ZNF148: variants seen among roughly 807,000 people sequenced by gnomAD.
ZNF148 encodes the protein Beta-Enolase Repressor Factor-1.
ZNF148 carries 7 observed loss-of-function variants against 67.7 expected under a neutral mutation model. The ratio of observed to expected loss-of-function variants is 0.10; its 90% CI spans 0.06 to 0.19. The LOEUF (loss-of-function observed/expected upper bound fraction) is 0.19. ZNF148 is among the 10% of genes least tolerant of loss of function. ZNF148 has a pLI of 1.00. For missense variants in ZNF148, 583 were observed against 947.1 expected, an observed-to-expected ratio of 0.62 and a Z score of 5.05; for synonymous variants, 333 against 330.7, an observed-to-expected ratio of 1.01 and a Z score of -0.08.
At chr3:125,268,526 T>G (rs1937591819) in intron 7 of ZNF148, among the ~76,000 whole-genome samples, 1 of 152,134 alleles carries the variant, frequency 6.6e-6, no homozygotes, top group Non-Finnish European at 1.5e-5. Context: ...GAAAGTGGAC[T>G]TCTACCTATC....
At chr3:125,254,441 G>GTACTA (rs2107555150) in intron 7 of ZNF148, among the ~76,000 whole-genome samples, 1 of 152,212 alleles carries the variant, frequency 6.6e-6, no homozygotes, top group East Asian at 1.9e-4. Context: ...AGATACTTTG[G>GTACTA]TCTCTTGTAC....
chr3:125,369,305 G>A (rs1193121510), intron 1 of ZNF148, among the ~76,000 whole-genome samples: 37 of 31,402 alleles, frequency 1.2e-3, no homozygotes, highest in African/African-American at 2.2e-3. Context: ...AGCCTAGAAA[G>A]AACATTCTAG....
chr3:125,361,298 C>T (rs1168957940), intron 1 of ZNF148, among the ~76,000 whole-genome samples: 6 of 152,094 alleles, frequency 3.9e-5, no homozygotes, highest in Non-Finnish European at 8.8e-5. Flanking sequence ...ACTAAAAAAT[C>T]GCTTGGGAGT....
intron 7 of ZNF148, among the ~76,000 whole-genome samples, chr3:125,265,416 C>T (rs1937512918): frequency 6.6e-6 from 1 of 152,360 alleles, no homozygotes; most frequent in South Asian, 2.1e-4. Flanking sequence ...CTGCATAAGC[C>T]AAACTCCCTT....
At chr3:125,253,787 T>C (rs1936953154) in intron 7 of ZNF148, among the ~76,000 whole-genome samples, 1 of 152,186 alleles carries the variant, frequency 6.6e-6, no homozygotes, top group African/African-American at 2.4e-5. Context: ...TGATAAATTA[T>C]ATTTAAATAC....
chr3:125,282,320 C>A (rs1215419895), intron 5 of ZNF148, among the ~76,000 whole-genome samples: 1 of 152,136 alleles, frequency 6.6e-6, no homozygotes, highest in Non-Finnish European at 1.5e-5. Flanking sequence ...AGCAGTCTTA[C>A]CTGCAACTGG....
Position 125,233,596 on chromosome 3 carries a change from T to C in ZNF148, c.1130A>G (p.His377Arg). 2 of 1,613,996 alleles carry C rather than the reference T, an allele frequency of 1.2e-6. No homozygotes were observed. Among genetic ancestry groups the C allele is most frequent in the Admixed American group, 1.7e-5 (1 of 59,948 alleles). ...EMPHSSVGGS[H>R]LEDASGEIHP... is the part of the protein sequence containing the mutation. Reference sequence around the variant, plus strand: ...TATTTCTCCTGACGCATCTTCTAAATGCGAGCCCCCAACTGACGAATGTGG... The same window carrying C: ...TATTTCTCCTGACGCATCTTCTAAACGCGAGCCCCCAACTGACGAATGTGG... Residue 377 changes from histidine to arginine, a missense_variant, in exon 9 of 9, where the codon CAT becomes CGT. Physicochemically the swap from His to Arg is conservative, Grantham distance 29. Coordinates refer to ENST00000360647, the MANE Select transcript of ZNF148 (RefSeq NM_021964.3). The surrounding 1 kb of genome is among the most constrained non-coding windows in gnomAD (Gnocchi z 5.1).
chr3:125,311,031 C>A, intron 4 of ZNF148: 1 of 205,046 alleles, frequency 4.9e-6, no homozygotes, highest in Non-Finnish European at 1.1e-5. Context: ...GCTATGACCT[C>A]AACGGTGCCT....
intron 1 of ZNF148, among the ~76,000 whole-genome samples, chr3:125,356,505 T>A (rs529175487): frequency 6.6e-6 from 1 of 152,336 alleles, no homozygotes; most frequent in South Asian, 2.1e-4. Flanking sequence ...TTTTTAGATT[T>A]ATTAAATCTA....
At chr3:125,304,490 G>A (rs1169102395) in intron 4 of ZNF148, among the ~76,000 whole-genome samples, 2 of 152,128 alleles carry the variant, frequency 1.3e-5, no homozygotes, top group Non-Finnish European at 2.9e-5. Flanking sequence ...ACGCAGGGCA[G>A]GGGTAGCAAG....
intron 5 of ZNF148, among the ~76,000 whole-genome samples, chr3:125,287,252 T>A (rs1306960053): frequency 6.6e-6 from 1 of 151,802 alleles, no homozygotes. Flanking sequence ...AAAATAAGAG[T>A]TAACTATAAA....
intron 1 of ZNF148, among the ~76,000 whole-genome samples, chr3:125,365,111 T>A (rs1942661991): frequency 6.6e-6 from 1 of 152,366 alleles, no homozygotes; most frequent in Non-Finnish European, 1.5e-5. Context: ...TGGATGTGTA[T>A]GTTTTGTCCC....
chr3:125,254,683 T>C (rs201385053), intron 7 of ZNF148, among the ~76,000 whole-genome samples: 2 of 152,056 alleles, frequency 1.3e-5, no homozygotes, highest in East Asian at 3.9e-4. Context: ...TTTGTGGTTG[T>C]TTCATACACT....
At chr3:125,259,575 A>G (rs565453574) in intron 7 of ZNF148, among the ~76,000 whole-genome samples, 1 of 152,356 alleles carries the variant, frequency 6.6e-6, no homozygotes, top group African/African-American at 2.4e-5. Flanking sequence ...CATGTAAAAC[A>G]TGTAAAAGTT....
Position 125,279,235 on chromosome 3 carries a change from T to C in ZNF148, c.472A>G (p.Asn158Asp). ...QRSPAKILTINEDGSLGLKTP... is the reference protein window; with the variant it reads ...QRSPAKILTIDEDGSLGLKTP... The stretch of plus-strand genomic sequence containing the variant: ...TTCAAACCAAGTGATCCATCCTCAT[T>C]TATTGTAAGGATCTAGTTCAAAAAA... The change falls in exon 6 of 9, where the codon AAT becomes GAT. Residue 158 changes from asparagine to aspartate, a missense_variant. Around this residue, in one of 5 missense-constraint regions of ZNF148, gnomAD observed 150 missense variants for 202.5 expected, o/e 0.74. Transcript: ENST00000360647. 1.3e-6 allele frequency: 2 copies of C among 1,573,600 alleles called. No individual in the cohort carries two copies. The highest frequency in any genetic ancestry group is 1.7e-6 in the Non-Finnish European group (2 of 1,162,456).
intron 1 of ZNF148, among the ~76,000 whole-genome samples, chr3:125,361,285 A>T (rs1335403441): frequency 2.6e-5 from 4 of 152,066 alleles, no homozygotes; most frequent in Non-Finnish European, 5.9e-5. Flanking sequence ...CTGTTATCCT[A>T]TCACTAAAAA....
Position 125,313,321 on chromosome 3 carries a change from G to A in ZNF148, c.320C>T (p.Ala107Val), listed in dbSNP as rs764874730. The change falls in exon 4 of 9, where the codon GCA becomes GTA. Residue 107 changes from alanine (A) to valine (V), a missense_variant. Ala to Val is a moderately conservative substitution (Grantham distance 64). This residue lies in a region of ZNF148 where 150 missense variants were observed against 202.5 expected (regional missense o/e 0.74). Transcript: ENST00000360647. Reference sequence around the variant, plus strand: ...GGAATTACTTACAGGGACATTAAGTGCATACTGTAGTCCTTGAGGAAGTCT... The same window carrying A: ...GGAATTACTTACAGGGACATTAAGTACATACTGTAGTCCTTGAGGAAGTCT... ...HERLPQGLQY[A>V]LNVPISVKQE... The A allele has an allele frequency of 1.9e-6, 3 of 1,610,552 alleles. No homozygotes were observed. Among genetic ancestry groups the A allele is most frequent in the Non-Finnish European group, 1.7e-6 (2 of 1,177,362 alleles).
chr3:125,353,041 C>T (rs138252426), intron 1 of ZNF148, among the ~76,000 whole-genome samples: 136 of 152,202 alleles, frequency 8.9e-4, no homozygotes, highest in African/African-American at 3.1e-3. Context: ...CCCAGCAATC[C>T]CACTCTTGGG....
At chr3:125,316,357 T>C (rs1410765745) in intron 3 of ZNF148, among the ~76,000 whole-genome samples, 4 of 152,232 alleles carry the variant, frequency 2.6e-5, no homozygotes, top group African/African-American at 4.8e-5. Context: ...AGGGGAAATA[T>C]ACCCAGCAGT....
Sources: allele counts gnomAD v4.1 joint callset (sites outside exome capture counted in the v4.1 genomes callset), GRCh38; gene constraint gnomAD v4.1.1; regional missense constraint gnomAD v4.1.1; non-coding constraint Gnocchi (gnomAD v3.1); transcripts MANE v1.5; gene names NCBI Gene and HGNC (gene_info 2026-07-23, HGNC 2026-07-21).